Variants in RPTOR observed in about 807,000 individuals in gnomAD.
RPTOR encodes the protein regulatory associated protein of MTOR complex 1.
Under a neutral mutation model 169.9 loss-of-function variants are expected in RPTOR, and 21 were observed. The observed-to-expected ratio is 0.12, with a 90% CI of 0.09 to 0.18. RPTOR has a LOEUF of 0.18. Ranked by LOEUF, RPTOR falls within the 10% of genes least tolerant of loss-of-function variation. RPTOR has a pLI of 1.00. For missense variants in RPTOR, 1,133 were observed against 1,855.9 expected (o/e 0.61, Z 7.16); for synonymous variants, 732 against 753.2 (o/e 0.97, Z 0.46).
At chr17:80,600,435 A>G (rs565716773) in intron 1 of RPTOR, among the ~76,000 whole-genome samples, 1 of 152,286 alleles carries the variant, frequency 6.6e-6, no homozygotes, top group African/African-American at 2.4e-5. Flanking sequence ...TTTTCATGGA[A>G]AATGAAGTAT....
At chr17:80,921,905 C>T (rs1325735094) in intron 21 of RPTOR, among the ~76,000 whole-genome samples, 1 of 152,212 alleles carries the variant, frequency 6.6e-6, no homozygotes, top group African/African-American at 2.4e-5. Context: ...CCATGCAGTG[C>T]ACCCAGCACC....
chr17:80,904,561 T>G (rs941457698), intron 20 of RPTOR, among the ~76,000 whole-genome samples: 1 of 152,184 alleles, frequency 6.6e-6, no homozygotes, highest in African/African-American at 2.4e-5. Context: ...CTTTTATTAC[T>G]TTTAGTCTAG....
At chr17:80,655,268 T>G (rs966614430) in intron 3 of RPTOR, among the ~76,000 whole-genome samples, 4 of 152,152 alleles carry the variant, frequency 2.6e-5, no homozygotes, top group African/African-American at 9.7e-5. Context: ...GTATTTTTAG[T>G]GGAGACAGGG....
chr17:80,904,192 A>G (rs910731679), intron 20 of RPTOR, among the ~76,000 whole-genome samples: 18 of 152,260 alleles, frequency 1.2e-4, no homozygotes, highest in African/African-American at 4.3e-4. Flanking sequence ...TAACAGCCAC[A>G]CCGAGTTGTG....
At chr17:80,773,389 T>G (rs780283358) in intron 6 of RPTOR, among the ~76,000 whole-genome samples, 9 of 152,260 alleles carry the variant, frequency 5.9e-5, no homozygotes, top group Non-Finnish European at 1.2e-4. Context: ...ACGTTGGTTG[T>G]TGAAGCAGTA....
intron 4 of RPTOR, among the ~76,000 whole-genome samples, chr17:80,724,327 A>G (rs762710495): frequency 6.6e-6 from 1 of 151,154 alleles, no homozygotes; most frequent in Non-Finnish European, 1.5e-5. Context: ...GAGAGGAGAC[A>G]TGGCAACCCA....
chr17:80,926,085 T>C (rs2068808533), intron 24 of RPTOR, among the ~76,000 whole-genome samples: 1 of 152,074 alleles, frequency 6.6e-6, no homozygotes, highest in Non-Finnish European at 1.5e-5. Flanking sequence ...AAATCTAAAG[T>C]GCATTCTGAG....
chr17:80,556,275 C>T (rs555997094), intron 1 of RPTOR, among the ~76,000 whole-genome samples: 10 of 152,260 alleles, frequency 6.6e-5, no homozygotes, highest in South Asian at 2.1e-4. Flanking sequence ...CTGGGCAGCT[C>T]CCCATCACCA....
intron 28 of RPTOR, among the ~76,000 whole-genome samples, chr17:80,952,562 G>A (rs1374544310): frequency 6.6e-6 from 1 of 152,228 alleles, no homozygotes; most frequent in African/African-American, 2.4e-5. Flanking sequence ...GCACACGCAA[G>A]CCAGGCTCCC....
intron 7 of RPTOR, chr17:80,805,092 A>AGT (rs1248069702): frequency 2.3e-3 from 348 of 152,324 alleles, no homozygotes; most frequent in African/African-American, 8.1e-3. Flanking sequence ...ATTCACAGGA[A>AGT]GACACAATTT....
chr17:80,935,232 C>T (rs1022228635), intron 24 of RPTOR, among the ~76,000 whole-genome samples: 8 of 152,034 alleles, frequency 5.3e-5, no homozygotes, highest in South Asian at 4.2e-4. Flanking sequence ...AAATGGAGAC[C>T]ATGCTCCTGG....
In RPTOR at chr17:80,695,322, T is replaced by C. The variant is rs182236296; in HGVS notation, c.349-12519T>C. On this transcript the variant is annotated intron_variant, in intron 3 of 33. Transcript: ENST00000306801. The surrounding 1 kb of genome is among the most constrained non-coding windows in gnomAD (Gnocchi z 4.9). ...GGCAGGGCCCGCGTTAGTTTAGTTG[T>C]TTGTGGAGGAGAAAATTGAGGTTTG... is the stretch of plus-strand genomic sequence containing the variant. 3.3e-4 allele frequency among the ~76,000 whole-genome samples: 50 copies of C among 152,322 alleles called. 1 individual carries two copies. The highest frequency in any genetic ancestry group is 3.1e-3 in the Admixed American group (48 of 15,306).
intron 28 of RPTOR, among the ~76,000 whole-genome samples, chr17:80,952,609 T>C (rs1002025002): frequency 6.6e-6 from 1 of 152,222 alleles, no homozygotes; most frequent in Non-Finnish European, 1.5e-5. Context: ...GGAGGCTGTT[T>C]CTTGTTTTCT....
chr17:80,866,426 G>A (rs1329471389), intron 13 of RPTOR, among the ~76,000 whole-genome samples: 2 of 152,090 alleles, frequency 1.3e-5, no homozygotes, highest in Non-Finnish European at 2.9e-5. Context: ...AAAGCTGTCG[G>A]CCAAAGGAAA....
chr17:80,736,369 C>T (rs2066433494), intron 5 of RPTOR, among the ~76,000 whole-genome samples: 1 of 152,184 alleles, frequency 6.6e-6, no homozygotes, highest in South Asian at 2.1e-4. Context: ...CCGACGGTCA[C>T]TCACTGCCAC....
rs2067046787 is a variant in RPTOR at position 80,791,413 on chromosome 17, C to G, written c.831-37C>G. 1.9e-6 allele frequency: 3 copies of G among 1,600,322 alleles called. No homozygotes were observed. In the South Asian group the frequency reaches 3.4e-5, roughly 18 times the overall value. On this transcript the variant is annotated intron_variant, in intron 6 of 33. Coordinates refer to ENST00000306801, the MANE Select transcript of RPTOR (RefSeq NM_020761.3). ...CTGTTGAATTTCCTGGGTGACTGTT[C>G]CATTCATGCCGTTCACATTCTTTTC...
At chr17:80,637,066 C>T (rs72849118) in intron 2 of RPTOR, among the ~76,000 whole-genome samples, 1 of 152,076 alleles carries the variant, frequency 6.6e-6, no homozygotes, top group African/African-American at 2.4e-5. Flanking sequence ...TATGTAGAAC[C>T]CTGAGTATGG....
intron 1 of RPTOR, among the ~76,000 whole-genome samples, chr17:80,587,575 C>G (rs528931673): frequency 1.3e-5 from 2 of 152,188 alleles, no homozygotes; most frequent in Non-Finnish European, 2.9e-5. Flanking sequence ...GCACCACACT[C>G]CGGCCCACAC....
At chr17:80,945,817 G>T in intron 26 of RPTOR, 36 bp downstream of exon 26, 1 of 1,316,748 alleles carries the variant, frequency 7.6e-7, no homozygotes, top group Non-Finnish European at 1.0e-6. Flanking sequence ...CCTTCCGGCT[G>T]ACCGACAGCC....
Sources: gnomAD v4.1 joint callset for allele counts (sites outside exome capture counted in the v4.1 genomes callset) on GRCh38, gnomAD v4.1.1 for gene constraint, Gnocchi (gnomAD v3.1) non-coding constraint, MANE v1.5 for transcripts, NCBI Gene and HGNC (gene_info 2026-07-23, HGNC 2026-07-21) for gene names.